The following GABBR2 variants were observed in gnomAD, a reference collection of about 807,000 sequenced individuals.
The protein encoded by GABBR2 is gamma-aminobutyric acid type B receptor subunit 2.
Under a neutral mutation model 105.6 loss-of-function variants are expected in GABBR2, and 23 were observed. The observed-to-expected ratio is 0.22, with a 90% CI of 0.16 to 0.31. GABBR2 has a LOEUF of 0.31. Ranked by LOEUF, GABBR2 falls within the 10% of genes least tolerant of loss-of-function variation. The pLI, the probability that GABBR2 is intolerant of heterozygous loss-of-function variation, is 1.00. For missense variants in GABBR2, 734 were observed against 1,245.5 expected, an observed-to-expected ratio of 0.59 and a Z score of 6.18; for synonymous variants, 478 against 499.7, an observed-to-expected ratio of 0.96 and a Z score of 0.58.
At chr9:98,300,540 G>A (rs1830452231) in intron 16 of GABBR2, among the ~76,000 whole-genome samples, 1 of 152,268 alleles carries the variant, frequency 6.6e-6, no homozygotes, top group East Asian at 1.9e-4. Context: ...TGTTGGGGGT[G>A]GTAGTCGGGA....
At chr9:98,664,737 G>A (rs905151842) in intron 1 of GABBR2, among the ~76,000 whole-genome samples, 1 of 152,154 alleles carries the variant, frequency 6.6e-6, no homozygotes, top group Admixed American at 6.6e-5. Context: ...TGTACCCAGA[G>A]GGAACTAGAC....
In GABBR2 at chr9:98,357,225, T is replaced by C. The variant is rs1034500335; in HGVS notation, c.1893+5490A>G. Among the ~76,000 whole-genome samples the C allele has an allele frequency of 1.2e-4, 18 of 152,224 alleles. 1 individual carries two copies. ...TGTACCAGACAATGCAAGATATTAA[T>C]AACAGGAAATTGTGGGGGTGGGTGG... On this transcript the variant is annotated intron_variant, in intron 13 of 18. Transcript: ENST00000259455.
chr9:98,338,676 G>A (rs917230738), intron 13 of GABBR2, among the ~76,000 whole-genome samples: 4 of 152,190 alleles, frequency 2.6e-5, no homozygotes, highest in African/African-American at 9.6e-5. Context: ...TATATTGCTG[G>A]TGGGAATGTA....
intron 13 of GABBR2, among the ~76,000 whole-genome samples, chr9:98,318,096 C>T (rs1167923855): frequency 1.3e-5 from 2 of 152,160 alleles, no homozygotes; most frequent in African/African-American, 4.8e-5. Flanking sequence ...TTGAGGAACC[C>T]TCATGTGGCC....
chr9:98,526,895 A>C (rs1298868776), intron 3 of GABBR2, among the ~76,000 whole-genome samples: 1 of 152,116 alleles, frequency 6.6e-6, no homozygotes, highest in Non-Finnish European at 1.5e-5. Context: ...ATAAAAATAG[A>C]ACATCCCTTG....
intron 1 of GABBR2, among the ~76,000 whole-genome samples, chr9:98,671,884 A>G (rs16917826): frequency 0.015 from 2,339 of 152,304 alleles, 62 homozygotes; most frequent in African/African-American, 0.054. Flanking sequence ...TTGGACTATG[A>G]TCAAAGAGAT....
Position 98,686,644 on chromosome 9 carries a change from T to C in GABBR2, c.321+21773A>G, listed in dbSNP as rs143132620. On this transcript the variant is annotated intron_variant, in intron 1 of 18. Coordinates refer to ENST00000259455, the MANE Select transcript of GABBR2 (RefSeq NM_005458.8). ...CTCCTGACCTCCAGTGGTTCACCCA[T>C]CTCGGCCTCCCAAAGTGCTGGGATT... Among the ~76,000 whole-genome samples, 1,437 of 152,168 alleles carry C rather than the reference T, an allele frequency of 9.4e-3. 11 individuals are homozygous for C. The highest frequency in any genetic ancestry group is 0.014 in the Non-Finnish European group (934 of 67,988).
At chr9:98,333,973 T>G (rs753790942) in intron 13 of GABBR2, among the ~76,000 whole-genome samples, 1 of 152,238 alleles carries the variant, frequency 6.6e-6, no homozygotes, top group Non-Finnish European at 1.5e-5. Context: ...GAAGACTGAA[T>G]GAGTTGATAA....
chr9:98,598,163 C>T (rs561333117), intron 1 of GABBR2, among the ~76,000 whole-genome samples: 1 of 152,184 alleles, frequency 6.6e-6, no homozygotes, highest in Admixed American at 6.5e-5. Context: ...CTAAGCTAGG[C>T]TCATTCAATG....
intron 13 of GABBR2, among the ~76,000 whole-genome samples, chr9:98,339,922 G>A (rs370235345): frequency 3.3e-5 from 5 of 152,128 alleles, no homozygotes; most frequent in South Asian, 4.1e-4. Context: ...CTGGGCACAC[G>A]GTAGGATTGC....
intron 1 of GABBR2, among the ~76,000 whole-genome samples, chr9:98,696,899 T>A (rs982369196): frequency 2.6e-5 from 4 of 151,532 alleles, no homozygotes; most frequent in African/African-American, 9.7e-5. Flanking sequence ...TATGACTGAG[T>A]GGGTGGACAG....
chr9:98,602,764 G>C (rs988671377), intron 1 of GABBR2, among the ~76,000 whole-genome samples: 1 of 152,158 alleles, frequency 6.6e-6, no homozygotes, highest in Admixed American at 6.5e-5. Flanking sequence ...GGAGATGCTC[G>C]GTTTCTTTTT....
Position 98,470,974 on chromosome 9 carries a change from C to T in GABBR2, c.999+2172G>A, listed in dbSNP as rs35005176. ...CAGTGACTCTGTGGTCACTGAAGGA[C>T]TATGTGGGACAGATGGGTCAATAGG... is the stretch of plus-strand genomic sequence containing the variant. On this transcript the variant is annotated intron_variant, in intron 6 of 18. Transcript: ENST00000259455. Among the ~76,000 whole-genome samples the T allele has an allele frequency of 7.1e-3, 1,078 of 152,244 alleles. 3 individuals are homozygous for T. The highest frequency in any genetic ancestry group is 0.014 in the Admixed American group (207 of 15,294).
At chr9:98,492,531 T>C (rs1827199956) in intron 4 of GABBR2, among the ~76,000 whole-genome samples, 1 of 152,080 alleles carries the variant, frequency 6.6e-6, no homozygotes, top group Admixed American at 6.6e-5. Context: ...TAACACCCAT[T>C]CTTTAATCAG....
At chr9:98,693,032 G>A (rs1830703551) in intron 1 of GABBR2, among the ~76,000 whole-genome samples, 1 of 152,082 alleles carries the variant, frequency 6.6e-6, no homozygotes, top group African/African-American at 2.4e-5. Flanking sequence ...GTTCTCCCTC[G>A]ACCCCCGGCG....
chr9:98,670,184 C>T (rs1830389396), intron 1 of GABBR2, among the ~76,000 whole-genome samples: 1 of 152,114 alleles, frequency 6.6e-6, no homozygotes. Context: ...CAAATTACCC[C>T]TTCAAAGTGT....
At chr9:98,382,264 C>T (rs1220886751) in intron 11 of GABBR2, among the ~76,000 whole-genome samples, 1 of 152,126 alleles carries the variant, frequency 6.6e-6, no homozygotes, top group Admixed American at 6.5e-5. Context: ...CAAGGCAAGC[C>T]CCTTGCCTCT....
intron 2 of GABBR2, among the ~76,000 whole-genome samples, chr9:98,550,331 T>C (rs755052476): frequency 3.9e-5 from 6 of 152,230 alleles, no homozygotes; most frequent in Non-Finnish European, 7.3e-5. Context: ...CAGCTCTAAA[T>C]AGTGGTGATG....
chr9:98,410,760 T>C (rs942771722), intron 7 of GABBR2, among the ~76,000 whole-genome samples: 13 of 152,098 alleles, frequency 8.5e-5, no homozygotes, highest in Admixed American at 7.9e-4. Flanking sequence ...TCTGTGGTCA[T>C]TTTTATAAAT....
Sources: allele counts gnomAD v4.1 joint callset (sites outside exome capture counted in the v4.1 genomes callset), GRCh38; gene constraint gnomAD v4.1.1; transcripts MANE v1.5; gene names NCBI Gene and HGNC (gene_info 2026-07-23, HGNC 2026-07-21).